Variants in ANKRD31 observed in about 807,000 individuals in gnomAD.
The protein encoded by ANKRD31 is ankyrin repeat domain 31, also known as ankyrin repeat domain-containing protein 31.
A neutral mutation model predicts 186.0 loss-of-function variants in ANKRD31; 147 were observed. The ratio of observed to expected loss-of-function variants is 0.79; its 90% CI spans 0.69 to 0.91. The LOEUF is 0.91. Among genes scored for constraint, ANKRD31 ranks in the 40% least tolerant of loss-of-function variants. The pLI, the probability that ANKRD31 is intolerant of heterozygous loss-of-function variation, is 0.00. For synonymous variants in ANKRD31, 673 were observed against 736.4 expected, an observed-to-expected ratio of 0.91 and a Z score of 1.39; for missense variants, 1,986 against 2,148.8, an observed-to-expected ratio of 0.92 and a Z score of 1.50.
At chr5:75,194,452 C>T (rs1429095666) in intron 7 of ANKRD31, among the ~76,000 whole-genome samples, 2 of 152,024 alleles carry the variant, frequency 1.3e-5, no homozygotes, top group African/African-American at 4.8e-5. Context: ...TTTAAAAAAT[C>T]CTATGTCAGT....
chr5:75,093,496 AC>A (rs1746094725), intron 22 of ANKRD31, among the ~76,000 whole-genome samples: 14 of 151,930 alleles, frequency 9.2e-5, no homozygotes, highest in Non-Finnish European at 2.1e-4. Flanking sequence ...AACAACAACA[AC>A]AACAAAAAAA....
chr5:75,156,973 C>T (rs767641397), intron 11 of ANKRD31, among the ~76,000 whole-genome samples: 3 of 152,020 alleles, frequency 2.0e-5, no homozygotes, highest in Admixed American at 6.6e-5. Context: ...GATTTGGGTA[C>T]CAGAAAGTGG....
chr5:75,143,982 C>T lies in ANKRD31; in HGVS notation c.3595+19G>A. ...TTGATTTTGTAAACTTTAACCTATA[C>T]AATTATAGGAATACAAACCTAGGTT... On this transcript the variant is annotated intron_variant, in intron 15 of 25. Transcript: ENST00000506364. 2.5e-6 allele frequency: 1 copy of T among 396,860 alleles called. No individual in the cohort carries two copies. Among genetic ancestry groups the T allele is most frequent in the East Asian group, 3.6e-5 (1 of 27,904 alleles). The allele number at this position is 396,860 out of a possible 1,614,324, so 24.6% of individuals were successfully genotyped here.
chr5:75,178,026 G>A (rs1434197902), intron 10 of ANKRD31, among the ~76,000 whole-genome samples: 3 of 152,074 alleles, frequency 2.0e-5, no homozygotes, highest in East Asian at 1.9e-4. Flanking sequence ...TCAAAATAAA[G>A]GGATGGAGGA....
chr5:75,156,341 A>C (rs1752173426), intron 11 of ANKRD31, among the ~76,000 whole-genome samples: 1 of 152,170 alleles, frequency 6.6e-6, no homozygotes. Flanking sequence ...GTATGTGTGC[A>C]TGTCCTTCTG....
intron 11 of ANKRD31, among the ~76,000 whole-genome samples, chr5:75,156,580 ATTAAG>A (rs1752193555): frequency 6.6e-6 from 1 of 152,182 alleles, no homozygotes; most frequent in African/African-American, 2.4e-5. Context: ...TGCAAATATG[ATTAAG>A]TTAAGGATTT....
At chr5:75,174,089 T>C (rs1237505839) in intron 10 of ANKRD31, among the ~76,000 whole-genome samples, 1 of 152,134 alleles carries the variant, frequency 6.6e-6, no homozygotes, top group Non-Finnish European at 1.5e-5. Flanking sequence ...TCTACCACCA[T>C]CTGATCTTTG....
intron 11 of ANKRD31, among the ~76,000 whole-genome samples, chr5:75,156,282 C>T (rs1260377483): frequency 6.6e-6 from 1 of 152,128 alleles, no homozygotes; most frequent in African/African-American, 2.4e-5. Flanking sequence ...TACCACATCT[C>T]TTTTGAAACT....
At chr5:75,107,380 C>T (rs564598191) in intron 21 of ANKRD31, 141 bp downstream of exon 21, 17 of 564,520 alleles carry the variant, frequency 3.0e-5, no homozygotes, top group African/African-American at 5.7e-5. Context: ...ATGGTAGTAA[C>T]GGATTAGACA....
Position 75,230,647 on chromosome 5 carries a change from C to T in ANKRD31, c.105-12G>A. 1 of 1,495,374 alleles carries T rather than the reference C, an allele frequency of 6.7e-7. No individual in the cohort carries two copies. The allele number at this position is 1,495,374 out of a possible 1,614,324, so 92.6% of individuals were successfully genotyped here. The stretch of plus-strand genomic sequence containing the variant: ...GATCAAACAGCAACCTTTCAAATAC[C>T]AAAAGGGAAGGCACAAGTTGTTAAT... On this transcript the variant is annotated splice_polypyrimidine_tract_variant and intron_variant, in intron 1 of 25. Transcript: ENST00000506364.
intron 17 of ANKRD31, among the ~76,000 whole-genome samples, chr5:75,121,939 A>T (rs1202388163): frequency 6.6e-6 from 1 of 152,116 alleles, no homozygotes; most frequent in African/African-American, 2.4e-5. Context: ...AGCTAGCAGA[A>T]GAAAAGAAAT....
chr5:75,185,203 G>A (rs1754619065), intron 10 of ANKRD31, among the ~76,000 whole-genome samples: 1 of 152,244 alleles, frequency 6.6e-6, no homozygotes, highest in African/African-American at 2.4e-5. Context: ...ACTACAGACT[G>A]AGGAGAGTAG....
intron 12 of ANKRD31, among the ~76,000 whole-genome samples, chr5:75,150,030 T>C (rs1190790391): frequency 6.6e-6 from 1 of 151,842 alleles, no homozygotes; most frequent in Non-Finnish European, 1.5e-5. Flanking sequence ...GTGATATAGC[T>C]ATATTATTTT....
chr5:75,216,831 G>A (rs182471998), intron 3 of ANKRD31, among the ~76,000 whole-genome samples: 2 of 152,006 alleles, frequency 1.3e-5, no homozygotes, highest in Non-Finnish European at 2.9e-5. Flanking sequence ...AAAAAATTGA[G>A]ATCTTTCTAA....
intron 18 of ANKRD31, 121 bp from the exon 19 acceptor site, chr5:75,116,802 AC>A (rs1238107935): frequency 5.6e-5 from 26 of 464,124 alleles, no homozygotes; most frequent in Non-Finnish European, 8.7e-5. Flanking sequence ...TAATATCTTA[AC>A]CAACACTCAT....
chr5:75,225,232 A>G (rs1019269820), intron 2 of ANKRD31, among the ~76,000 whole-genome samples: 36 of 152,230 alleles, frequency 2.4e-4, no homozygotes, highest in Non-Finnish European at 4.1e-4. Flanking sequence ...CATATTTTGT[A>G]ATAGTATTGA....
chr5:75,145,922 G>A, intron 14 of ANKRD31, 65 bp downstream of exon 14: 1 of 1,306,228 alleles, frequency 7.7e-7, no homozygotes, highest in Admixed American at 3.2e-5. Flanking sequence ...AATTCAGTTG[G>A]AAATTTCTAT....
intron 10 of ANKRD31, among the ~76,000 whole-genome samples, chr5:75,181,940 TA>T (rs1754340517): frequency 6.7e-6 from 1 of 149,776 alleles, no homozygotes; most frequent in Non-Finnish European, 1.5e-5. Context: ...TCAAAAAAAA[TA>T]AAAAATAAAA....
intron 10 of ANKRD31, among the ~76,000 whole-genome samples, chr5:75,181,186 T>C (rs1754262831): frequency 6.6e-6 from 1 of 152,194 alleles, no homozygotes; most frequent in Non-Finnish European, 1.5e-5. Flanking sequence ...CACAGTGAGA[T>C]GCCATCTCAC....
Sources: allele counts gnomAD v4.1 joint callset (sites outside exome capture counted in the v4.1 genomes callset), GRCh38; gene constraint gnomAD v4.1.1; transcripts MANE v1.5; gene names NCBI Gene and HGNC (gene_info 2026-07-23, HGNC 2026-07-21).